Variants in MAP1LC3B2 observed in about 807,000 individuals in gnomAD.
The protein encoded by MAP1LC3B2 is microtubule associated protein 1 light chain 3 beta 2, also known as microtubule-associated protein 1 light chain 3 beta 2.
For synonymous variants in MAP1LC3B2, 62 were observed against 57.8 expected, an observed-to-expected ratio of 1.07 and a Z score of -0.33; for missense variants, 155 against 154.6, an observed-to-expected ratio of 1.00 and a Z score of -0.01.
Position 116,576,060 on chromosome 12 carries a change from G to T in MAP1LC3B2, c.118G>T (p.Gly40Cys), listed in dbSNP as rs1392184874. The T allele has an allele frequency of 6.2e-7, 1 of 1,614,188 alleles. No homozygotes were observed. ...CCCGGTGATAATAGAACGATACAAGGGTGAGAAGCAGCTTCCTGTTCTGGA... is the reference window on the plus strand; with the variant it reads ...CCCGGTGATAATAGAACGATACAAGTGTGAGAAGCAGCTTCCTGTTCTGGA... ...KIPVIIERYK[G>C]EKQLPVLDKT... The change falls in exon 2 of 2, where the codon GGT becomes TGT. Residue 40 changes from glycine (G) to cysteine (C), a missense_variant. Physicochemically the swap from Gly to Cys is radical, Grantham distance 159. Coordinates refer to ENST00000556529, the MANE Select transcript of MAP1LC3B2 (RefSeq NM_001085481.3).
chr12:116,559,831 A>C (rs1869204341), intron 1 of MAP1LC3B2: 1 of 152,126 alleles, frequency 6.6e-6, no homozygotes, highest in African/African-American at 2.4e-5. Context: ...GAGGGAAGTG[A>C]GAGGAGGAGG....
chr12:116,569,713 T>C (rs1014512625), intron 1 of MAP1LC3B2, among the ~76,000 whole-genome samples: 2 of 151,868 alleles, frequency 1.3e-5, no homozygotes, highest in South Asian at 4.1e-4. Flanking sequence ...AAAATGCAAA[T>C]CAAAGAAATG....
chr12:116,561,066 G>A (rs1341109044), intron 1 of MAP1LC3B2, among the ~76,000 whole-genome samples: 1 of 151,990 alleles, frequency 6.6e-6, no homozygotes, highest in East Asian at 1.9e-4. Context: ...GCAGTGAGCT[G>A]AGATTGTGCC....
chr12:116,574,407 G>A (rs753600398), intron 1 of MAP1LC3B2, among the ~76,000 whole-genome samples: 3 of 152,052 alleles, frequency 2.0e-5, no homozygotes, highest in African/African-American at 4.8e-5. Flanking sequence ...TAAGGAGGCC[G>A]AGGTGGGCAG....
At chr12:116,570,737 C>T (rs560446908) in intron 1 of MAP1LC3B2, among the ~76,000 whole-genome samples, 26 of 152,286 alleles carry the variant, frequency 1.7e-4, no homozygotes, top group African/African-American at 6.3e-4. Context: ...ATTACCCAGT[C>T]TTGGGTAAGT....
chr12:116,573,413 A>T (rs1343118031), intron 1 of MAP1LC3B2, among the ~76,000 whole-genome samples: 2 of 152,228 alleles, frequency 1.3e-5, no homozygotes, highest in African/African-American at 4.8e-5. Flanking sequence ...AAATTTAATT[A>T]TTTTAGATTA....
At position 116,572,455 on chromosome 12, in the gene MAP1LC3B2, C is replaced by T. The variant is rs1274969457; in HGVS notation, c.-101-3387C>T. Reference sequence around the variant, plus strand: ...TCTCAGCTCACTGCAAGCTCCGCCTCCCAGGCCCACACCATTCTCCTGCCT... The same window carrying T: ...TCTCAGCTCACTGCAAGCTCCGCCTTCCAGGCCCACACCATTCTCCTGCCT... On this transcript the variant is annotated intron_variant, in intron 1 of 1. Transcript: ENST00000556529. Among the ~76,000 whole-genome samples the T allele has an allele frequency of 3.3e-5, 5 of 152,022 alleles. No individual in the cohort carries two copies. The South Asian group carries it at 6.2e-4, about 19-fold the overall frequency.
At chr12:116,559,454 C>T (rs191336390) in intron 1 of MAP1LC3B2, 21 bp downstream of exon 1, 14 of 152,458 alleles carry the variant, frequency 9.2e-5, no homozygotes, top group African/African-American at 3.1e-4. Context: ...GTAGCTGCCT[C>T]CCAGCCCCAG....
intron 1 of MAP1LC3B2, among the ~76,000 whole-genome samples, chr12:116,565,622 T>G (rs1332422917): frequency 6.6e-6 from 1 of 152,204 alleles, no homozygotes; most frequent in Non-Finnish European, 1.5e-5. Flanking sequence ...CATAGATGAC[T>G]GGACAAATTA....
intron 1 of MAP1LC3B2, among the ~76,000 whole-genome samples, chr12:116,572,232 G>A (rs1370181174): frequency 6.6e-6 from 1 of 152,152 alleles, no homozygotes; most frequent in African/African-American, 2.4e-5. Context: ...TCGTCTATTT[G>A]TTTTGGTATT....
At chr12:116,573,115 C>A (rs1012837873) in intron 1 of MAP1LC3B2, among the ~76,000 whole-genome samples, 1 of 152,094 alleles carries the variant, frequency 6.6e-6, no homozygotes, top group Admixed American at 6.6e-5. Flanking sequence ...TTAGAGACAG[C>A]GTTTCACCAC....
chr12:116,563,994 C>T (rs980714202), intron 1 of MAP1LC3B2, among the ~76,000 whole-genome samples: 1 of 152,104 alleles, frequency 6.6e-6, no homozygotes, highest in African/African-American at 2.4e-5. Context: ...ATTCTCCCAC[C>T]TCAGCCTCCA....
At chr12:116,563,086 C>G (rs578194773) in intron 1 of MAP1LC3B2, among the ~76,000 whole-genome samples, 1 of 152,108 alleles carries the variant, frequency 6.6e-6, no homozygotes, top group Admixed American at 6.6e-5. Flanking sequence ...CTCAGCCTCT[C>G]GAGTAGCTGG....
chr12:116,573,147 C>G (rs758047864), intron 1 of MAP1LC3B2, among the ~76,000 whole-genome samples: 1 of 152,304 alleles, frequency 6.6e-6, no homozygotes, highest in East Asian at 1.9e-4. Context: ...TGTTCTCAAA[C>G]TTCTGATCTT....
rs1330409366 is a variant in MAP1LC3B2, at chr12:116,575,913, C to A, written c.-30C>A. 4 of 1,613,276 alleles carry A rather than the reference C, an allele frequency of 2.5e-6. No homozygotes were observed. The highest frequency in any genetic ancestry group is 2.5e-6 in the Non-Finnish European group (3 of 1,179,712). On this transcript the variant is annotated 5_prime_UTR_variant, in exon 2 of 2. Coordinates refer to ENST00000556529, the MANE Select transcript of MAP1LC3B2 (RefSeq NM_001085481.3). ...CCAGGAGCCGCCGGGACCCTCGCGT[C>A]GTCGCCGCCGCGGCCCAGATCCCCA...
intron 1 of MAP1LC3B2, among the ~76,000 whole-genome samples, chr12:116,563,046 C>T (rs1869310212): frequency 6.6e-6 from 1 of 152,170 alleles, no homozygotes; most frequent in Admixed American, 6.5e-5. Context: ...ACCACAACCC[C>T]TGCCTCCTAG....
chr12:116,567,192 A>G (rs1301519637), intron 1 of MAP1LC3B2, among the ~76,000 whole-genome samples: 1 of 151,924 alleles, frequency 6.6e-6, no homozygotes, highest in African/African-American at 2.4e-5. Flanking sequence ...CCAAGATTCA[A>G]ATTGAAATTA....
intron 1 of MAP1LC3B2, among the ~76,000 whole-genome samples, chr12:116,568,987 G>A (rs566076188): frequency 5.2e-4 from 79 of 150,664 alleles, no homozygotes; most frequent in Non-Finnish European, 9.4e-4. Context: ...AGCCTCCTGC[G>A]TACCTGGGAT....
chr12:116,569,008 C>T (rs542087623), intron 1 of MAP1LC3B2, among the ~76,000 whole-genome samples: 5 of 151,786 alleles, frequency 3.3e-5, no homozygotes, highest in East Asian at 1.9e-4. Context: ...TACAGGCACC[C>T]ACCACCACGC....
Sources: allele counts gnomAD v4.1 joint callset (sites outside exome capture counted in the v4.1 genomes callset), GRCh38; gene constraint gnomAD v4.1.1; transcripts MANE v1.5; gene names NCBI Gene and HGNC (gene_info 2026-07-23, HGNC 2026-07-21).